Variants in ADGRL2 observed in about 807,000 individuals in gnomAD.
The protein encoded by ADGRL2 is adhesion G protein-coupled receptor L2.
In ADGRL2, 44 loss-of-function variants were observed where a neutral mutation model predicts 157.4. The observed-to-expected ratio is 0.28, with a 90% CI of 0.22 to 0.36. ADGRL2 has a LOEUF of 0.36. Ranked by LOEUF, ADGRL2 falls within the 10% of genes least tolerant of loss-of-function variation. The probability of loss-of-function intolerance (pLI) is 1.00; values close to 1 mark genes in which losing one functional copy is unlikely to be tolerated. For missense variants in ADGRL2, 1,510 were observed against 1,768.9 expected, an observed-to-expected ratio of 0.85 and a Z score of 2.63; for synonymous variants, 585 against 624.7, an observed-to-expected ratio of 0.94 and a Z score of 0.95.
At chr1:81,455,962 T>C (rs2077796280) in intron 2 of ADGRL2, among the ~76,000 whole-genome samples, 1 of 152,222 alleles carries the variant, frequency 6.6e-6, no homozygotes, top group Admixed American at 6.5e-5. Flanking sequence ...AATTCTTAAA[T>C]CACCAGAAAT....
chr1:81,545,867 G>A (rs1412991598), intron 2 of ADGRL2, among the ~76,000 whole-genome samples: 2 of 152,088 alleles, frequency 1.3e-5, no homozygotes, highest in Admixed American at 1.3e-4. Context: ...CCTGCGGTAT[G>A]GAAAACAAGA....
chr1:81,516,860 G>C (rs932647151), intron 2 of ADGRL2, among the ~76,000 whole-genome samples: 1 of 151,700 alleles, frequency 6.6e-6, no homozygotes, highest in African/African-American at 2.4e-5. Flanking sequence ...AGCTGCCAAA[G>C]TTTCATGTCC....
At chr1:81,935,162 T>A (rs2095291563) in intron 3 of ADGRL2, among the ~76,000 whole-genome samples, 1 of 151,964 alleles carries the variant, frequency 6.6e-6, no homozygotes. Flanking sequence ...CACTAAGTGG[T>A]GAACCACTGG....
At chr1:81,602,332 C>G (rs1015277611) in intron 3 of ADGRL2, among the ~76,000 whole-genome samples, 1 of 152,138 alleles carries the variant, frequency 6.6e-6, no homozygotes, top group South Asian at 2.1e-4. Context: ...CAGAGGCTCA[C>G]GCCTGTAATC....
intron 2 of ADGRL2, among the ~76,000 whole-genome samples, chr1:81,537,872 G>C (rs1214955748): frequency 2.0e-5 from 3 of 151,688 alleles, no homozygotes; most frequent in Non-Finnish European, 2.9e-5. Flanking sequence ...GCTAATTTTT[G>C]TATTTTTAGT....
chr1:81,503,346 G>C, intron 2 of ADGRL2: 1 of 1,614,042 alleles, frequency 6.2e-7, no homozygotes, highest in Non-Finnish European at 8.5e-7. Context: ...ACCTCATCAC[G>C]GGGTCTGCTC....
intron 2 of ADGRL2, among the ~76,000 whole-genome samples, chr1:81,793,282 C>G (rs1318953397): frequency 6.6e-6 from 1 of 152,006 alleles, no homozygotes; most frequent in East Asian, 1.9e-4. Flanking sequence ...TCTCATTACC[C>G]CAAAGGGAAT....
chr1:81,671,547 C>T lies in ADGRL2; in HGVS notation c.-142-90264C>T, dbSNP rs557503191. Among the ~76,000 whole-genome samples, 86 of 151,886 alleles carry T rather than the reference C, an allele frequency of 5.7e-4. 1 individual carries two copies. The highest frequency in any genetic ancestry group is 1.1e-3 in the Admixed American group (16 of 15,238). ...TTTTTTTTTTAAACAGAGTTTTGCC[C>T]CGTCGCCCAGACTGGAGTGCAGTGG... On this transcript the variant is annotated intron_variant, in intron 3 of 24. Coordinates refer to the ADGRL2 transcript ENST00000370721.
intron 1 of ADGRL2, among the ~76,000 whole-genome samples, chr1:81,747,284 C>T (rs1399879502): frequency 1.4e-5 from 2 of 146,928 alleles, no homozygotes; most frequent in African/African-American, 2.5e-5. Context: ...TATACATGTG[C>T]ATACATGTGT....
intron 3 of ADGRL2, among the ~76,000 whole-genome samples, chr1:81,930,790 T>C (rs928948281): frequency 2.6e-5 from 4 of 152,086 alleles, no homozygotes; most frequent in African/African-American, 9.7e-5. Flanking sequence ...CCCCCACACC[T>C]GTAGGGTAGA....
At chr1:81,917,435 T>G (rs1166210762) in intron 3 of ADGRL2, among the ~76,000 whole-genome samples, 1 of 151,828 alleles carries the variant, frequency 6.6e-6, no homozygotes, top group Non-Finnish European at 1.5e-5. Flanking sequence ...TTAGATTTTT[T>G]TTAGTGCTGT....
In ADGRL2 at chr1:81,564,170, G is replaced by A. The variant is rs187074073; in HGVS notation, c.-247-16706G>A. On this transcript the variant is annotated intron_variant, in intron 2 of 24. Coordinates refer to the ADGRL2 transcript ENST00000370721. ...AAGTGTGGATGGTGGGAAGTGCGTTGTGTACATAGAGGGTAGATGAAAGGA... is the reference window on the plus strand; with the variant it reads ...AAGTGTGGATGGTGGGAAGTGCGTTATGTACATAGAGGGTAGATGAAAGGA... 3.6e-3 allele frequency among the ~76,000 whole-genome samples: 553 copies of A among 152,274 alleles called. 1 individual carries two copies. Among genetic ancestry groups the A allele is most frequent in the Middle Eastern group, 0.014 (4 of 294 alleles).
chr1:81,982,655 T>C (rs1045088882), intron 19 of ADGRL2, among the ~76,000 whole-genome samples: 1 of 151,952 alleles, frequency 6.6e-6, no homozygotes, highest in Non-Finnish European at 1.5e-5. Context: ...TACTAGTTGG[T>C]CACTAAATTG....
At chr1:81,546,101 C>T (rs556642627) in intron 2 of ADGRL2, among the ~76,000 whole-genome samples, 15 of 152,058 alleles carry the variant, frequency 9.9e-5, no homozygotes, top group Non-Finnish European at 5.9e-5. Flanking sequence ...ATATCCCGTC[C>T]ACCACTACCA....
At chr1:81,803,154 G>T (rs2088553314) in intron 1 of ADGRL2, among the ~76,000 whole-genome samples, 2 of 152,092 alleles carry the variant, frequency 1.3e-5, no homozygotes, top group South Asian at 4.1e-4. Flanking sequence ...CCACTGGGGA[G>T]TGGCGACGAG....
intron 1 of ADGRL2, among the ~76,000 whole-genome samples, chr1:81,402,698 T>C (rs10874236): frequency 0.54 from 82,428 of 152,120 alleles, 23,281 homozygotes; most frequent in East Asian, 0.7. Flanking sequence ...ATTTTCTTAG[T>C]ATTATATTTT....
At chr1:81,876,603 C>T (rs1347361333) in intron 2 of ADGRL2, among the ~76,000 whole-genome samples, 2 of 151,972 alleles carry the variant, frequency 1.3e-5, no homozygotes, top group Non-Finnish European at 2.9e-5. Flanking sequence ...ACTTGTTTAA[C>T]TAGAGTGACT....
chr1:81,787,099 C>T (rs915426424), intron 2 of ADGRL2, among the ~76,000 whole-genome samples: 4 of 152,186 alleles, frequency 2.6e-5, no homozygotes, highest in East Asian at 1.9e-4. Context: ...TTGCCACCAC[C>T]ATGTAAGAAG....
intron 1 of ADGRL2, among the ~76,000 whole-genome samples, chr1:81,815,678 T>G (rs548795579): frequency 9.2e-5 from 14 of 151,946 alleles, no homozygotes; most frequent in African/African-American, 3.4e-4. Context: ...ATGAACTTGA[T>G]AGTCAAACAT....
Sources: allele counts gnomAD v4.1 joint callset (sites outside exome capture counted in the v4.1 genomes callset), GRCh38; gene constraint gnomAD v4.1.1; transcripts MANE v1.5; gene names NCBI Gene and HGNC (gene_info 2026-07-23, HGNC 2026-07-21).